The following GPR149 variants were observed in gnomAD, a reference collection of about 807,000 sequenced individuals.
GPR149 encodes the protein G protein-coupled receptor 149.
Under a neutral mutation model 50.2 loss-of-function variants are expected in GPR149, and 50 were observed. The observed-to-expected ratio is 1.00, with a 90% CI of 0.79 to 1.26. The LOEUF is 1.26. GPR149 is among the 50% of genes most tolerant of loss of function. GPR149 has a pLI of 0.00. For synonymous variants in GPR149, 405 were observed against 358.2 expected (o/e 1.13, Z -1.48); for missense variants, 983 against 895.4 (o/e 1.10, Z -1.25).
chr3:154,356,479 A>G (rs1313841945), intron 3 of GPR149, among the ~76,000 whole-genome samples: 1 of 152,220 alleles, frequency 6.6e-6, no homozygotes, highest in Admixed American at 6.5e-5. Context: ...CAACTTCAGC[A>G]AAGTCTCAGG....
At chr3:154,376,729 T>C (rs780789718) in intron 3 of GPR149, among the ~76,000 whole-genome samples, 5 of 152,160 alleles carry the variant, frequency 3.3e-5, no homozygotes, top group South Asian at 2.1e-4. Context: ...TATTATAACA[T>C]GGAAGATAAA....
At chr3:154,352,294 A>G (rs1414452161) in intron 3 of GPR149, 5 of 886,894 alleles carry the variant, frequency 5.6e-6, no homozygotes, top group South Asian at 1.6e-5. Context: ...CCGCCTGACC[A>G]GCCACTTGAC....
At chr3:154,370,873 G>T (rs1714649324) in intron 3 of GPR149, among the ~76,000 whole-genome samples, 1 of 152,106 alleles carries the variant, frequency 6.6e-6, no homozygotes, top group Non-Finnish European at 1.5e-5. Context: ...TGCCTTTCTT[G>T]TTATGCCCAA....
At chr3:154,356,493 C>T (rs1714228107) in intron 3 of GPR149, among the ~76,000 whole-genome samples, 1 of 152,148 alleles carries the variant, frequency 6.6e-6, no homozygotes, top group Non-Finnish European at 1.5e-5. Context: ...TCTCAGGATA[C>T]AAAATCAATG....
At chr3:154,391,229 T>C (rs969480552) in intron 3 of GPR149, among the ~76,000 whole-genome samples, 1 of 151,390 alleles carries the variant, frequency 6.6e-6, no homozygotes, top group Non-Finnish European at 1.5e-5. Flanking sequence ...AGTACTGAAA[T>C]AATTATAACC....
chr3:154,424,275 T>C (rs1300525660), intron 2 of GPR149, among the ~76,000 whole-genome samples: 1 of 151,898 alleles, frequency 6.6e-6, no homozygotes, highest in Non-Finnish European at 1.5e-5. Flanking sequence ...TGCAGCACAG[T>C]GCTAGACACA....
chr3:154,428,603 C>A (rs1195312429), intron 1 of GPR149, 32 bp downstream of exon 1: 1 of 1,592,822 alleles, frequency 6.3e-7, no homozygotes, highest in Non-Finnish European at 8.6e-7. Flanking sequence ...CTGGCACACA[C>A]ACTCGCGCTT....
In GPR149 at chr3:154,427,598, G is replaced by A. The variant is rs1712341318; in HGVS notation, c.1092C>T (p.Ser364=). Reference sequence around the variant, plus strand: ...CACAGGGCAAGTGGGTCCAGCGTTTGGACAAGACAAACACTGGGGTTACAG... The same window carrying A: ...CACAGGGCAAGTGGGTCCAGCGTTTAGACAAGACAAACACTGGGGTTACAG... ...ATTVTPVFVL[S]KRWTHLPCGC... is the part of the protein sequence containing the mutation. Residue 364 remains serine, a synonymous_variant, in exon 2 of 4, where the codon TCC becomes TCT. Transcript: ENST00000389740. 1.2e-6 allele frequency: 2 copies of A among 1,614,168 alleles called. No homozygotes were observed. Among genetic ancestry groups the A allele is most frequent in the Non-Finnish European group, 8.5e-7 (1 of 1,180,020 alleles).
intron 3 of GPR149, among the ~76,000 whole-genome samples, chr3:154,369,974 A>G (rs566195048): frequency 1.3e-5 from 2 of 152,336 alleles, no homozygotes; most frequent in African/African-American, 2.4e-5. Context: ...CCTTATTGGG[A>G]TACTGACTCA....
At chr3:154,341,946 AAAAC>A (rs1483079005) in intron 3 of GPR149, among the ~76,000 whole-genome samples, 4 of 152,220 alleles carry the variant, frequency 2.6e-5, no homozygotes, top group African/African-American at 7.2e-5. Context: ...TTATACTTTA[AAAAC>A]AAACAAACAA....
At chr3:154,346,078 A>G (rs898455274) in intron 3 of GPR149, among the ~76,000 whole-genome samples, 3 of 152,198 alleles carry the variant, frequency 2.0e-5, no homozygotes, top group African/African-American at 7.2e-5. Context: ...TTCTGTCACT[A>G]ACTCATGAGT....
intron 3 of GPR149, among the ~76,000 whole-genome samples, chr3:154,366,020 C>T (rs1046558190): frequency 6.6e-6 from 1 of 152,180 alleles, no homozygotes; most frequent in African/African-American, 2.4e-5. Flanking sequence ...AAAGCTGTTT[C>T]CATATTTTCA....
At chr3:154,355,334 T>A (rs1487906952) in intron 3 of GPR149, among the ~76,000 whole-genome samples, 1 of 152,202 alleles carries the variant, frequency 6.6e-6, no homozygotes, top group African/African-American at 2.4e-5. Context: ...CCACTTCATT[T>A]CTTATTATGG....
chr3:154,390,423 T>C (rs1376235447), intron 3 of GPR149, among the ~76,000 whole-genome samples: 1 of 151,148 alleles, frequency 6.6e-6, no homozygotes, highest in African/African-American at 2.4e-5. Flanking sequence ...AGTAAATAAC[T>C]GAAATGAAAA....
At chr3:154,352,390 TC>T in intron 3 of GPR149, 1 of 1,129,610 alleles carries the variant, frequency 8.9e-7, no homozygotes, top group Non-Finnish European at 1.3e-6. Flanking sequence ...ACTGAGAGTA[TC>T]CAGTTGGAAT....
chr3:154,397,630 G>A (rs1423752719), intron 3 of GPR149, among the ~76,000 whole-genome samples: 1 of 151,920 alleles, frequency 6.6e-6, no homozygotes, highest in Non-Finnish European at 1.5e-5. Context: ...ATATAATATT[G>A]TGTTGCTGCA....
chr3:154,357,660 G>A (rs1208359255), intron 3 of GPR149, among the ~76,000 whole-genome samples: 1 of 152,156 alleles, frequency 6.6e-6, no homozygotes, highest in Non-Finnish European at 1.5e-5. Context: ...GAGAGGATGT[G>A]GAGAAATAGG....
At chr3:154,383,777 A>G (rs531238472) in intron 3 of GPR149, among the ~76,000 whole-genome samples, 55 of 152,178 alleles carry the variant, frequency 3.6e-4, no homozygotes, top group African/African-American at 1.3e-3. Context: ...ATTGGGGGAC[A>G]TTTTAAGAGA....
intron 3 of GPR149, among the ~76,000 whole-genome samples, chr3:154,386,370 C>A (rs528258118): frequency 1.3e-5 from 2 of 152,344 alleles, no homozygotes; most frequent in South Asian, 4.1e-4. Flanking sequence ...TGCAACAGTA[C>A]AGGCTCAGCC....
Sources: gnomAD v4.1 joint callset for allele counts (sites outside exome capture counted in the v4.1 genomes callset) on GRCh38, gnomAD v4.1.1 for gene constraint, MANE v1.5 for transcripts, NCBI Gene and HGNC (gene_info 2026-07-23, HGNC 2026-07-21) for gene names.